The following ANO10 variants were observed in gnomAD, a reference collection of about 807,000 sequenced individuals.
ANO10 encodes the protein anoctamin-10.
Under a neutral mutation model 74.7 loss-of-function variants are expected in ANO10, and 77 were observed. The ratio of observed to expected loss-of-function variants is 1.03; its 90% CI spans 0.86 to 1.25. ANO10 has a LOEUF of 1.25. ANO10 is among the 50% of genes most tolerant of loss of function. ANO10 has a pLI of 0.00. For synonymous variants in ANO10, 279 were observed against 284.9 expected (o/e 0.98, Z 0.21); for missense variants, 721 against 778.1 (o/e 0.93, Z 0.87).
chr3:43,634,743 C>T (rs2083588133), intron 1 of ANO10, among the ~76,000 whole-genome samples: 1 of 151,460 alleles, frequency 6.6e-6, no homozygotes, highest in Non-Finnish European at 1.5e-5. Flanking sequence ...ACTGAGCTCA[C>T]ACCTGTGTTG....
intron 11 of ANO10, among the ~76,000 whole-genome samples, chr3:43,474,031 A>T (rs1052243621): frequency 2.0e-5 from 3 of 152,242 alleles, no homozygotes; most frequent in African/African-American, 7.2e-5. Flanking sequence ...TGATCCAAAG[A>T]GCATTTTTAT....
At chr3:43,558,709 A>G (rs2079881844) in intron 9 of ANO10, among the ~76,000 whole-genome samples, 1 of 152,234 alleles carries the variant, frequency 6.6e-6, no homozygotes, top group South Asian at 2.1e-4. Flanking sequence ...CAATTAGGAG[A>G]AAAATGGACC....
chr3:43,667,158 T>C (rs1250774311), intron 1 of ANO10, among the ~76,000 whole-genome samples: 1 of 148,782 alleles, frequency 6.7e-6, no homozygotes, highest in Non-Finnish European at 1.5e-5. Flanking sequence ...TGGGGCAATC[T>C]TGGCTCACTG....
intron 11 of ANO10, among the ~76,000 whole-genome samples, chr3:43,528,431 A>G (rs907737836): frequency 6.6e-6 from 1 of 152,160 alleles, no homozygotes; most frequent in Admixed American, 6.5e-5. Flanking sequence ...GATAAGAAGT[A>G]CAAAAACTCA....
intron 11 of ANO10, among the ~76,000 whole-genome samples, chr3:43,487,974 T>C (rs868415956): frequency 1.0e-3 from 158 of 152,136 alleles, no homozygotes; most frequent in Middle Eastern, 3.4e-3. Flanking sequence ...AACAGAGATA[T>C]AGATCAATGG....
intron 11 of ANO10, among the ~76,000 whole-genome samples, chr3:43,495,719 G>T (rs533893680): frequency 4.1e-5 from 6 of 147,314 alleles, no homozygotes; most frequent in Non-Finnish European, 6.0e-5. Context: ...TTTTTTTTTT[G>T]AGATGGAGTC....
chr3:43,606,005 A>G, intron 1 of ANO10, 142 bp from the exon 2 acceptor site: 1 of 864,378 alleles, frequency 1.2e-6, no homozygotes, highest in South Asian at 1.6e-5. Flanking sequence ...GATGGGTTAT[A>G]TGACAGACTC....
At chr3:43,560,359 G>C (rs2079969693) in intron 9 of ANO10, among the ~76,000 whole-genome samples, 1 of 152,088 alleles carries the variant, frequency 6.6e-6, no homozygotes, top group African/African-American at 2.4e-5. Context: ...AAAAGACAAA[G>C]TCCTACTCAA....
chr3:43,638,650 A>G (rs190342745), intron 1 of ANO10: 3 of 152,298 alleles, frequency 2.0e-5, no homozygotes, highest in African/African-American at 7.2e-5. Flanking sequence ...GATTCCCAGC[A>G]CTCACTGGGT....
intron 11 of ANO10, among the ~76,000 whole-genome samples, chr3:43,508,251 G>C (rs1038460760): frequency 6.6e-6 from 1 of 151,976 alleles, no homozygotes; most frequent in Non-Finnish European, 1.5e-5. Context: ...CTACAGACTG[G>C]GAAAAAATAG....
At chr3:43,663,375 T>C (rs898789746) in intron 1 of ANO10, among the ~76,000 whole-genome samples, 1 of 152,182 alleles carries the variant, frequency 6.6e-6, no homozygotes. Flanking sequence ...AAACTAGGTA[T>C]CAATGGAACA....
intron 11 of ANO10, among the ~76,000 whole-genome samples, chr3:43,436,832 T>G (rs886084163): frequency 1.3e-5 from 2 of 152,206 alleles, no homozygotes; most frequent in African/African-American, 4.8e-5. Context: ...AGCTGTGTTT[T>G]GTAGTAATAT....
At chr3:43,597,079 A>G (rs976844957) in intron 4 of ANO10, among the ~76,000 whole-genome samples, 1 of 152,228 alleles carries the variant, frequency 6.6e-6, no homozygotes, top group African/African-American at 2.4e-5. Context: ...ATCTCACACC[A>G]GTTAAAATGG....
In ANO10 at chr3:43,530,429, T is replaced by C. The variant is rs192126943; in HGVS notation, c.1797+19291A>G. Among the ~76,000 whole-genome samples, 4 of 148,926 alleles carry C rather than the reference T, an allele frequency of 2.7e-5. No homozygotes were observed. In the East Asian group the frequency reaches 5.8e-4, roughly 22 times the overall value. ...TTTCTTATATAAAACATATAGCCTA[T>C]ATATTATATATATTTTATATATGGT... is the stretch of plus-strand genomic sequence containing the variant. On this transcript the variant is annotated intron_variant, in intron 11 of 12. Coordinates refer to ENST00000292246, the MANE Select transcript of ANO10 (RefSeq NM_018075.5).
At chr3:43,436,521 A>C (rs903671724) in intron 11 of ANO10, among the ~76,000 whole-genome samples, 1 of 152,152 alleles carries the variant, frequency 6.6e-6, no homozygotes, top group Non-Finnish European at 1.5e-5. Flanking sequence ...GCAGAATTTT[A>C]AAACTAGCAA....
Position 43,582,291 on chromosome 3 carries a change from A to C in ANO10, c.473-1819T>G, listed in dbSNP as rs190320560. On this transcript the variant is annotated intron_variant, in intron 4 of 12. Coordinates refer to ENST00000292246, the MANE Select transcript of ANO10 (RefSeq NM_018075.5). ...ACCGTGAAACCCCATCTCTACTAAAAATACAAAAAAATTAGCCGGGCGTGG... is the reference window on the plus strand; with the variant it reads ...ACCGTGAAACCCCATCTCTACTAAACATACAAAAAAATTAGCCGGGCGTGG... Among the ~76,000 whole-genome samples the C allele has an allele frequency of 5.9e-5, 9 of 152,182 alleles. No homozygotes were observed. The East Asian group carries it at 1.5e-3, about 26-fold the overall frequency.
chr3:43,422,556 A>G (rs2092835606), intron 12 of ANO10, among the ~76,000 whole-genome samples: 2 of 152,232 alleles, frequency 1.3e-5, no homozygotes, highest in African/African-American at 2.4e-5. Context: ...TCACTTCTAC[A>G]GCATAGTGGC....
intron 11 of ANO10, among the ~76,000 whole-genome samples, chr3:43,478,111 G>C (rs2076142576): frequency 6.6e-6 from 1 of 152,154 alleles, no homozygotes; most frequent in Non-Finnish European, 1.5e-5. Flanking sequence ...CCATTTGACA[G>C]ATAAGGAAAC....
At chr3:43,554,212 G>A (rs568664806) in intron 10 of ANO10, among the ~76,000 whole-genome samples, 214 of 108,850 alleles carry the variant, frequency 2.0e-3, no homozygotes, top group Non-Finnish European at 3.2e-3. Context: ...TTCTTTTTTT[G>A]AGATGGAGTG....
Sources: gnomAD v4.1 joint callset for allele counts (sites outside exome capture counted in the v4.1 genomes callset) on GRCh38, gnomAD v4.1.1 for gene constraint, MANE v1.5 for transcripts, NCBI Gene and HGNC (gene_info 2026-07-23, HGNC 2026-07-21) for gene names.